Variants in DNAH17 observed in about 807,000 individuals in gnomAD.
DNAH17 encodes dynein axonemal heavy chain 17.
A neutral mutation model predicts 485.6 loss-of-function variants in DNAH17; 376 were observed. That is an observed-to-expected ratio of 0.77 (90% CI 0.71 to 0.84). The LOEUF is 0.84. Among genes scored for constraint, DNAH17 ranks in the 40% least tolerant of loss-of-function variants. DNAH17 has a pLI of 0.00. For synonymous variants in DNAH17, 3,031 were observed against 2,405.9 expected (o/e 1.26, Z -7.60); for missense variants, 6,370 against 5,839.3 (o/e 1.09, Z -2.96).
chr17:78,471,189 A>G (rs2088733380), intron 54 of DNAH17, among the ~76,000 whole-genome samples: 1 of 151,946 alleles, frequency 6.6e-6, no homozygotes. Context: ...AGCAAGTCCG[A>G]CTCCCTGAAA....
intron 48 of DNAH17, among the ~76,000 whole-genome samples, chr17:78,481,942 G>A (rs2089365641): frequency 6.6e-6 from 1 of 152,136 alleles, no homozygotes; most frequent in Admixed American, 6.5e-5. Flanking sequence ...TTGAACCTGG[G>A]AGGTGGAGGC....
rs1178317335 is a variant in DNAH17 at position 78,551,269 on chromosome 17, C to T, written c.2391+266G>A. Among the ~76,000 whole-genome samples, 2 of 152,316 alleles carry T rather than the reference C, an allele frequency of 1.3e-5. 1 individual carries two copies. Among genetic ancestry groups the T allele is most frequent in the South Asian group, 4.1e-4 (2 of 4,828 alleles). Reference sequence around the variant, plus strand: ...GTGAGTCTTGGCAGATCTCTTTCCACCCCTTGCTACTGGCACTGGCCTGGC... The same window carrying T: ...GTGAGTCTTGGCAGATCTCTTTCCATCCCTTGCTACTGGCACTGGCCTGGC... On this transcript the variant is annotated intron_variant, in intron 16 of 80. Coordinates refer to ENST00000389840, the MANE Select transcript of DNAH17 (RefSeq NM_173628.4).
chr17:78,546,357 AACT>A (rs1318912638), intron 16 of DNAH17, among the ~76,000 whole-genome samples: 1 of 152,242 alleles, frequency 6.6e-6, no homozygotes, highest in African/African-American at 2.4e-5. Flanking sequence ...AGTAGCATAT[AACT>A]ACATTTTTAA....
chr17:78,552,379 A>G (rs1326207415), intron 15 of DNAH17, among the ~76,000 whole-genome samples: 1 of 152,188 alleles, frequency 6.6e-6, no homozygotes, highest in Non-Finnish European at 1.5e-5. Context: ...CCAGCTGTGC[A>G]TGCTCTGTGC....
In DNAH17 at chr17:78,561,929, C is replaced by G; in HGVS notation, c.1621G>C (p.Val541Leu). The change falls in exon 12 of 81, where the codon GTG becomes CTG. Residue 541 changes from valine (V) to leucine (L), a missense_variant. Transcript: ENST00000389840. ...AGCATGACTGAATACCTGGGCGCCA[C>G]CTCGGCAAGAATCAGGGGCCGCTCC... is the stretch of plus-strand genomic sequence containing the variant. ...LMERPLILAE[V>L]APRYSVMLEL... 1 of 1,613,368 alleles carries G rather than the reference C, an allele frequency of 6.2e-7. No individual in the cohort carries two copies. Among genetic ancestry groups the G allele is most frequent in the Non-Finnish European group, 8.5e-7 (1 of 1,179,628 alleles).
chr17:78,492,887 T>C (rs907937123), intron 41 of DNAH17, 122 bp from the exon 42 acceptor site: 38 of 823,802 alleles, frequency 4.6e-5, no homozygotes, highest in Middle Eastern at 8.1e-4. Context: ...GTTTCACTCT[T>C]GTCACCGAGG....
chr17:78,575,643 G>A (rs145565845), intron 1 of DNAH17, among the ~76,000 whole-genome samples: 154 of 152,120 alleles, frequency 1.0e-3, no homozygotes, highest in Middle Eastern at 3.4e-3. Context: ...AGCCCCCAGC[G>A]TGCACCCCTA....
chr17:78,501,569 T>G (rs1357967490), intron 34 of DNAH17, 173 bp downstream of exon 34: 3 of 1,023,898 alleles, frequency 2.9e-6, no homozygotes, highest in Non-Finnish European at 4.2e-6. Flanking sequence ...GACTGCTGTG[T>G]GTTGCTCACC....
At chr17:78,548,570 T>C (rs1223162513) in intron 16 of DNAH17, among the ~76,000 whole-genome samples, 1 of 152,206 alleles carries the variant, frequency 6.6e-6, no homozygotes, top group East Asian at 1.9e-4. Context: ...TCGGTCTGTG[T>C]TTTTCTGAGA....
At chr17:78,493,740 C>G (rs941447035) in intron 41 of DNAH17, among the ~76,000 whole-genome samples, 15 of 152,226 alleles carry the variant, frequency 9.9e-5, no homozygotes, top group Non-Finnish European at 1.6e-4. Flanking sequence ...ATGGGTTGGG[C>G]CGGCCACAGG....
intron 75 of DNAH17, among the ~76,000 whole-genome samples, chr17:78,433,170 G>T (rs2086740876): frequency 6.6e-6 from 1 of 152,188 alleles, no homozygotes; most frequent in South Asian, 2.1e-4. Flanking sequence ...CTGCCTTCTG[G>T]GCGAGGGGCT....
intron 14 of DNAH17, among the ~76,000 whole-genome samples, chr17:78,554,221 C>T (rs777898667): frequency 6.6e-5 from 10 of 151,966 alleles, no homozygotes; most frequent in Non-Finnish European, 8.8e-5. Context: ...AGGCAGATCA[C>T]TTAAGGTCAG....
intron 52 of DNAH17, among the ~76,000 whole-genome samples, 177 bp downstream of exon 52, chr17:78,476,395 C>T (rs1271750912): frequency 2.0e-5 from 3 of 151,806 alleles, no homozygotes; most frequent in South Asian, 2.1e-4. Context: ...GGAGTTATCG[C>T]GTGGAACCCT....
intron 30 of DNAH17, 78 bp downstream of exon 30, chr17:78,506,642 G>A (rs142619378): frequency 7.9e-5 from 127 of 1,597,732 alleles, no homozygotes; most frequent in Non-Finnish European, 9.9e-5. Context: ...CCACCCTAGG[G>A]CGGTTGAGGT....
At chr17:78,451,712 G>C (rs1024198500) in intron 65 of DNAH17, 39 bp from the exon 66 acceptor site, 3 of 1,505,232 alleles carry the variant, frequency 2.0e-6, no homozygotes, top group Non-Finnish European at 1.8e-6. Flanking sequence ...GGGCCTCCCA[G>C]TGACCAGGGG....
intron 58 of DNAH17, among the ~76,000 whole-genome samples, chr17:78,461,268 C>A (rs1197527350): frequency 6.6e-6 from 1 of 152,212 alleles, no homozygotes; most frequent in Admixed American, 6.5e-5. Flanking sequence ...GCATTTCTCA[C>A]AAGCTTCTGG....
Position 78,560,751 on chromosome 17 carries a change from A to C in DNAH17, c.2020T>G (p.Phe674Val). 6.4e-7 allele frequency: 1 copy of C among 1,550,594 alleles called. No homozygotes were observed. Among genetic ancestry groups the C allele is most frequent in the Non-Finnish European group, 8.7e-7 (1 of 1,146,138 alleles). Reference protein sequence around the residue: ...DAASNLIHVNFSKALVAVLRE... With the variant: ...DAASNLIHVNVSKALVAVLRE... ...CTCCTGGCACCCACCGCTTTGCTGAAGTTGACGTGGATGAGGTTGCTAGCG... is the reference window on the plus strand; with the variant it reads ...CTCCTGGCACCCACCGCTTTGCTGACGTTGACGTGGATGAGGTTGCTAGCG... Residue 674 changes from phenylalanine to valine, a missense_variant, in exon 13 of 81, where the codon TTC (phenylalanine) becomes GTC (valine). Physicochemically the swap from Phe to Val is conservative, Grantham distance 50. Coordinates refer to ENST00000389840, the MANE Select transcript of DNAH17 (RefSeq NM_173628.4).
chr17:78,519,660 T>A (rs2090885018), intron 25 of DNAH17, among the ~76,000 whole-genome samples: 1 of 152,218 alleles, frequency 6.6e-6, no homozygotes, highest in African/African-American at 2.4e-5. Context: ...TAAACAACTT[T>A]ATGCTTGCTT....
chr17:78,576,222 A>G (rs2092430578), intron 1 of DNAH17, among the ~76,000 whole-genome samples: 1 of 152,242 alleles, frequency 6.6e-6, no homozygotes, highest in Admixed American at 6.5e-5. Flanking sequence ...ACAGTTCCCC[A>G]AAAGACACGT....
Sources: gnomAD v4.1 joint callset for allele counts (sites outside exome capture counted in the v4.1 genomes callset) on GRCh38, gnomAD v4.1.1 for gene constraint, MANE v1.5 for transcripts, NCBI Gene and HGNC (gene_info 2026-07-23, HGNC 2026-07-21) for gene names.